Variants in UNKL observed in about 807,000 individuals in gnomAD.
UNKL encodes putative E3 ubiquitin-protein ligase UNKL.
Under a neutral mutation model 78.0 loss-of-function variants are expected in UNKL, and 60 were observed. That is an observed-to-expected ratio of 0.77 (90% CI 0.63 to 0.95). UNKL has a LOEUF of 0.95. Among genes scored for constraint, UNKL ranks in the 40% least tolerant of loss-of-function variants. UNKL has a pLI of 0.00. For missense variants in UNKL, 1,159 were observed against 1,045.7 expected (o/e 1.11, Z -1.49); for synonymous variants, 608 against 474.8 (o/e 1.28, Z -3.65).
intron 12 of UNKL, among the ~76,000 whole-genome samples, chr16:1,369,782 C>T (rs1231737716): frequency 1.3e-5 from 2 of 152,160 alleles, no homozygotes; most frequent in African/African-American, 4.8e-5. Flanking sequence ...TGAGACCGGC[C>T]CGGCCAGCGT....
rs746541308 is a variant in UNKL at position 1,394,137 on chromosome 16, C to T, written c.931G>A (p.Val311Ile). Reference sequence around the variant, plus strand: ...CACAGGGACGGTTACTCACTCTCAACGTGTGCAAAGGCACAGAAGGGGCCG... The same window carrying T: ...CACAGGGACGGTTACTCACTCTCAATGTGTGCAAAGGCACAGAAGGGGCCG... ...PRGPFCAFAH[V>I]EKSLGMVNEW... Residue 311 changes from valine to isoleucine, a missense_variant, in exon 7 of 15, where the codon GTT (valine) becomes ATT (isoleucine). Coordinates refer to ENST00000389221, the MANE Select transcript of UNKL (RefSeq NM_001372107.1). 1.9e-5 allele frequency: 30 copies of T among 1,550,426 alleles called. No homozygotes were observed. The highest frequency in any genetic ancestry group is 7.8e-5 in the Admixed American group (4 of 50,982).
At chr16:1,407,674 C>T (rs148665401) in intron 2 of UNKL, among the ~76,000 whole-genome samples, 2,934 of 139,244 alleles carry the variant, frequency 0.021, 38 homozygotes, top group Non-Finnish European at 0.033. Flanking sequence ...CCAGCCTGGG[C>T]GACAGAGTGA....
rs1269697015 is a variant in UNKL at position 1,413,588 on chromosome 16, G to A, written c.287+258C>T. ...CGTCTCAAAAAACAAACAAAAAAAAGTGGGAGGTGAAGCAAAATTGGTTTG... is the reference window on the plus strand; with the variant it reads ...CGTCTCAAAAAACAAACAAAAAAAAATGGGAGGTGAAGCAAAATTGGTTTG... On this transcript the variant is annotated intron_variant, in intron 2 of 14. Transcript: ENST00000389221. 2.0e-5 allele frequency among the ~76,000 whole-genome samples: 3 copies of A among 152,240 alleles called. No homozygotes were observed. In the East Asian group the frequency reaches 5.8e-4, roughly 29 times the overall value.
At chr16:1,388,360 G>A (rs1048858200) in intron 9 of UNKL, among the ~76,000 whole-genome samples, 2 of 152,142 alleles carry the variant, frequency 1.3e-5, no homozygotes, top group Admixed American at 6.5e-5. Flanking sequence ...CCGGCCCAGG[G>A]TGAATGCAGC....
At chr16:1,396,142 A>G (rs986908717) in intron 6 of UNKL, among the ~76,000 whole-genome samples, 1 of 151,798 alleles carries the variant, frequency 6.6e-6, no homozygotes, top group African/African-American at 2.4e-5. Context: ...GGGTTTCACC[A>G]TGTTGACCAG....
chr16:1,365,893 AC>A lies in UNKL; in HGVS notation c.*346del, dbSNP rs2035211664. ...GACCCCAGCTCCCAGTGGCCTAGTC[AC>A]AGTAGTGTCAGGACCACAAACTGCT... On this transcript the variant is annotated 3_prime_UTR_variant, in exon 15 of 15. Transcript: ENST00000389221. 4.9e-6 allele frequency: 1 copy of A among 204,608 alleles called. No homozygotes were observed. Among genetic ancestry groups the A allele is most frequent in the African/African-American group, 2.3e-5 (1 of 43,518 alleles). The allele number at this position is 204,608 out of a possible 1,614,324, so 12.7% of individuals were successfully genotyped here. A position where few individuals can be genotyped will look rare whatever the true frequency, so the allele number is the denominator to read the frequency against.
rs2035841650 is a variant in UNKL, at chr16:1,371,546, G to A, written c.1330C>T (p.Gln444Ter). 1 of 1,536,082 alleles carries A rather than the reference G, an allele frequency of 6.5e-7. No individual in the cohort carries two copies. The highest frequency in any genetic ancestry group is 2.0e-5 in the Admixed American group (1 of 50,966). ...GCTGCTCCCAGGTCGTGGCCGTCTT[G>A]CTCTTCCAGGTCCTTCTCTAGGGAT... is the stretch of plus-strand genomic sequence containing the variant. ...IASLEKDLEE[Q>*]DGHDLGAAGP... The change falls in exon 11 of 15, where the codon CAA (glutamine) becomes TAA (stop). Residue 444 changes from glutamine to a stop codon, truncating the protein, a stop_gained. Transcript: ENST00000389221. LOFTEE classifies it high-confidence loss of function.
chr16:1,402,713 C>T (rs1360394556), intron 3 of UNKL, among the ~76,000 whole-genome samples: 2 of 150,972 alleles, frequency 1.3e-5, no homozygotes, highest in Non-Finnish European at 1.5e-5. Flanking sequence ...AGAGGCCAGG[C>T]GCAGTGGCTC....
At chr16:1,379,770 C>T (rs1465145870) in intron 10 of UNKL, 2 of 859,526 alleles carry the variant, frequency 2.3e-6, no homozygotes, top group Non-Finnish European at 1.4e-6. Flanking sequence ...ACGCCCCCCG[C>T]GCTGCCCTCC....
chr16:1,405,996 C>T (rs1202471529), intron 2 of UNKL: 2 of 456,774 alleles, frequency 4.4e-6, no homozygotes, highest in Admixed American at 4.7e-5. Context: ...GCCCGTGGCC[C>T]ATGTGGTCCC....
At chr16:1,413,063 T>C (rs555511611) in intron 2 of UNKL, among the ~76,000 whole-genome samples, 6 of 150,986 alleles carry the variant, frequency 4.0e-5, no homozygotes, top group South Asian at 2.1e-4. Context: ...GCCTGGGCAA[T>C]GTAGTGAGAC....
intron 2 of UNKL, among the ~76,000 whole-genome samples, chr16:1,412,981 C>T (rs1015593088): frequency 3.3e-5 from 5 of 152,104 alleles, no homozygotes; most frequent in Non-Finnish European, 7.4e-5. Context: ...GGCACAGTGG[C>T]TCACACCTGG....
intron 10 of UNKL, among the ~76,000 whole-genome samples, chr16:1,376,592 T>C (rs1388856931): frequency 6.6e-6 from 1 of 152,090 alleles, no homozygotes; most frequent in Non-Finnish European, 1.5e-5. Flanking sequence ...AGTTTCTTCT[T>C]ATAGGGAGAC....
rs1336558476 is a variant in UNKL, at chr16:1,390,624, G to A, written c.1086+8C>T. The A allele has an allele frequency of 6.5e-7, 1 of 1,535,954 alleles. No homozygotes were observed. The highest frequency in any genetic ancestry group is 8.7e-7 in the Non-Finnish European group (1 of 1,146,836). ...GGCACGAGGGTGGGAAACCTTGGGGGCCTGTACCTGCTTGCTGTCTTGCTC... is the reference window on the plus strand; with the variant it reads ...GGCACGAGGGTGGGAAACCTTGGGGACCTGTACCTGCTTGCTGTCTTGCTC... On this transcript the variant is annotated splice_region_variant and intron_variant, in intron 9 of 14. Coordinates refer to ENST00000389221, the MANE Select transcript of UNKL (RefSeq NM_001372107.1).
At chr16:1,405,406 T>C (rs969408516) in intron 2 of UNKL, among the ~76,000 whole-genome samples, 2 of 151,634 alleles carry the variant, frequency 1.3e-5, no homozygotes, top group Non-Finnish European at 2.9e-5. Flanking sequence ...CCAGCCTGGC[T>C]GGTCTACTAA....
In UNKL at chr16:1,401,749, A is replaced by G. The variant is rs767911170; in HGVS notation, c.465-48T>C. 3 of 1,569,118 alleles carry G rather than the reference A, an allele frequency of 1.9e-6. No homozygotes were observed. The South Asian group carries it at 3.4e-5, about 18-fold the overall frequency. ...TCACAGCTCTGCATCTGGAGCCTCCAAAGCTGAAACGAGGTCACTGGAGGG... is the reference window on the plus strand; with the variant it reads ...TCACAGCTCTGCATCTGGAGCCTCCGAAGCTGAAACGAGGTCACTGGAGGG... On this transcript the variant is annotated intron_variant, in intron 3 of 14. Transcript: ENST00000389221.
chr16:1,401,522 T>TGGGCG, intron 4 of UNKL, 46 bp downstream of exon 4: 30 of 1,466,912 alleles, frequency 2.0e-5, no homozygotes, highest in African/African-American at 3.0e-5. Context: ...TCTCGCGCTG[T>TGGGCG]GCCCGCCCCC....
chr16:1,400,790 A>G (rs1481796883), intron 4 of UNKL, among the ~76,000 whole-genome samples: 3 of 151,804 alleles, frequency 2.0e-5, no homozygotes, highest in Non-Finnish European at 4.4e-5. Flanking sequence ...CGAGTTCAAG[A>G]GATTCTCCAG....
chr16:1,379,590 G>T, intron 10 of UNKL: 1 of 985,230 alleles, frequency 1.0e-6, no homozygotes, highest in Non-Finnish European at 1.2e-6. Flanking sequence ...AACGAGACCC[G>T]CACCTTGGCG....
Sources: gnomAD v4.1 joint callset for allele counts (sites outside exome capture counted in the v4.1 genomes callset) on GRCh38, gnomAD v4.1.1 for gene constraint, MANE v1.5 for transcripts, NCBI Gene and HGNC (gene_info 2026-07-23, HGNC 2026-07-21) for gene names.